The following SPMAP2 variants were observed in gnomAD, a reference collection of about 807,000 sequenced individuals.
SPMAP2 encodes Theg homolog.
the SPMAP2 span, chr19:362,409 C>T: frequency 6.2e-7 from 1 of 1,604,694 alleles, no homozygotes; most frequent in East Asian, 2.2e-5. Flanking sequence ...ACGCACTTGT[C>T]CGACTGAGCT....
At chr19:375,898 G>T in the SPMAP2 span, 1 of 1,527,774 alleles carries the variant, frequency 6.5e-7, no homozygotes, top group African/African-American at 1.4e-5. Flanking sequence ...TCGCCGTCCT[G>T]CTCCCTTTCC....
chr19:361,968 C>G, the SPMAP2 span: 1 of 371,506 alleles, frequency 2.7e-6, no homozygotes, highest in Non-Finnish European at 4.8e-6. Flanking sequence ...CAGGAATGGA[C>G]GAATAAGTCT....
At chr19:372,700 G>A in the SPMAP2 span, 28 of 1,613,860 alleles carry the variant, frequency 1.7e-5, no homozygotes, top group East Asian at 1.1e-4. Flanking sequence ...GCGGGACACC[G>A]CTATGCAAAA....
At chr19:374,014 G>C in the SPMAP2 span, 1 of 1,613,136 alleles carries the variant, frequency 6.2e-7, no homozygotes. Context: ...GTCCCTTCCT[G>C]CGAGGAGACA....
At chr19:365,026 G>A in the SPMAP2 span, among the ~76,000 whole-genome samples, 1 of 152,222 alleles carries the variant, frequency 6.6e-6, no homozygotes, top group Non-Finnish European at 1.5e-5. Context: ...GGCTCCTGGG[G>A]AAAAGAGTGT....
At chr19:373,672 G>A in the SPMAP2 span, 3 of 743,324 alleles carry the variant, frequency 4.0e-6, no homozygotes, top group Non-Finnish European at 6.8e-6. Flanking sequence ...GAAGGACAGT[G>A]GGGGGGCCGG....
the SPMAP2 span, chr19:374,676 T>A: frequency 1.9e-6 from 1 of 531,862 alleles, no homozygotes; most frequent in East Asian, 3.1e-5. Context: ...CTTCCTCCTC[T>A]GTGAATTGGA....
At chr19:373,472 G>A in the SPMAP2 span, 2 of 1,613,270 alleles carry the variant, frequency 1.2e-6, no homozygotes, top group Non-Finnish European at 8.5e-7. Context: ...CCACCTACCG[G>A]GCACTGTGAT....
the SPMAP2 span, among the ~76,000 whole-genome samples, chr19:367,943 G>A: frequency 6.6e-6 from 1 of 152,122 alleles, no homozygotes; most frequent in African/African-American, 2.4e-5. Flanking sequence ...GTCATTTATG[G>A]TCACGAACAC....
the SPMAP2 span, among the ~76,000 whole-genome samples, chr19:368,579 A>G: frequency 6.6e-6 from 1 of 152,198 alleles, no homozygotes; most frequent in African/African-American, 2.4e-5. This position sits in a 1 kb window ranked among gnomAD's most constrained non-coding sequence, Gnocchi z 4.1. Flanking sequence ...CTGTCCATCC[A>G]TTCTTGGAGC....
At chr19:362,420 T>C in the SPMAP2 span, 3 of 1,601,480 alleles carry the variant, frequency 1.9e-6, no homozygotes, top group Non-Finnish European at 2.6e-6. Context: ...CGACTGAGCT[T>C]TGGGCCCTAG....
the SPMAP2 span, among the ~76,000 whole-genome samples, chr19:372,289 G>A: frequency 6.6e-6 from 1 of 152,256 alleles, no homozygotes; most frequent in Non-Finnish European, 1.5e-5. Context: ...ATGTGTCTTA[G>A]AATTTCCACC....
chr19:374,226 G>A, the SPMAP2 span: 2 of 1,587,510 alleles, frequency 1.3e-6, no homozygotes, highest in South Asian at 1.1e-5. Context: ...GTGGGGACAG[G>A]AGGAGCCCGG....
the SPMAP2 span, chr19:375,755 C>A: frequency 6.2e-7 from 1 of 1,610,272 alleles, no homozygotes; most frequent in Non-Finnish European, 8.5e-7. Flanking sequence ...CCGGGAACTC[C>A]TCCCCGGCCA....
At chr19:371,613 C>G in the SPMAP2 span, among the ~76,000 whole-genome samples, 11 of 152,304 alleles carry the variant, frequency 7.2e-5, no homozygotes, top group South Asian at 2.3e-3. Flanking sequence ...AACGTCCACC[C>G]TCAGGTCCAG....
the SPMAP2 span, among the ~76,000 whole-genome samples, chr19:363,894 T>A: frequency 6.6e-6 from 1 of 151,976 alleles, no homozygotes; most frequent in African/African-American, 2.4e-5. Context: ...AGCACGATCT[T>A]TAGCTCACTG....
chr19:369,536 G>C, the SPMAP2 span, among the ~76,000 whole-genome samples: 1 of 151,806 alleles, frequency 6.6e-6, no homozygotes, highest in African/African-American at 2.4e-5. Flanking sequence ...CGGTGGCCAA[G>C]ATGGGGAAGA....
chr19:374,226 G>T, the SPMAP2 span: 1 of 1,587,626 alleles, frequency 6.3e-7, no homozygotes. Flanking sequence ...GTGGGGACAG[G>T]AGGAGCCCGG....
the SPMAP2 span, among the ~76,000 whole-genome samples, chr19:363,659 G>T: frequency 0.04 from 6,109 of 151,046 alleles, 437 homozygotes; most frequent in African/African-American, 0.14. Flanking sequence ...TCAGCCTCCC[G>T]AGTAGCTGGG....
Sources: allele counts gnomAD v4.1 joint callset (sites outside exome capture counted in the v4.1 genomes callset), GRCh38; gene constraint gnomAD v4.1.1; non-coding constraint Gnocchi (gnomAD v3.1); transcripts MANE v1.5; gene names NCBI Gene and HGNC (gene_info 2026-07-23, HGNC 2026-07-21).